The following FANCB variants were observed in gnomAD, a reference collection of about 807,000 sequenced individuals.
FANCB encodes FA complementation group B.
Under a neutral mutation model 38.9 loss-of-function variants are expected in FANCB, and 5 were observed. The observed-to-expected ratio is 0.13, with a 90% CI of 0.07 to 0.27. The LOEUF is 0.27. FANCB is among the 10% of genes least tolerant of loss of function. The probability of loss-of-function intolerance (pLI) is 1.00; values close to 1 mark genes in which losing one functional copy is unlikely to be tolerated. For synonymous variants in FANCB, 236 were observed against 215.4 expected (o/e 1.10, Z -0.84); for missense variants, 573 against 602.7 (o/e 0.95, Z 0.52).
At chrX:14,694,771 CT>C in the FANCB span, among the ~76,000 whole-genome samples, 11 of 112,372 alleles carry the variant, frequency 9.8e-5, no homozygotes, top group Admixed American at 9.4e-4. Context: ...AAAATGCAGC[CT>C]TTTGATGAAA....
At chrX:14,815,296 G>A in the FANCB span, among the ~76,000 whole-genome samples, 1 of 108,759 alleles carries the variant, frequency 9.2e-6, no homozygotes, top group African/African-American at 3.4e-5. Context: ...TTGTGCACAT[G>A]TACCCTAGAA....
chrX:14,693,222 A>G, the FANCB span, among the ~76,000 whole-genome samples: 1 of 111,895 alleles, frequency 8.9e-6, no homozygotes, highest in African/African-American at 3.2e-5. Flanking sequence ...AACTTTAGTC[A>G]GCCTCCAATA....
At chrX:14,690,946 A>G in the FANCB span, 1 of 978,433 alleles carries the variant, frequency 1.0e-6, no homozygotes, top group Non-Finnish European at 1.4e-6. Context: ...GCACACAATA[A>G]GCAAGAAGCC....
At chrX:14,718,138 A>G in the FANCB span, among the ~76,000 whole-genome samples, 2 of 111,311 alleles carry the variant, frequency 1.8e-5, no homozygotes, top group Middle Eastern at 9.3e-3. Flanking sequence ...TAGGGTGGAT[A>G]TAGGAGCCTT....
the FANCB span, among the ~76,000 whole-genome samples, chrX:14,723,762 C>A: frequency 8.9e-6 from 1 of 111,912 alleles, no homozygotes; most frequent in Non-Finnish European, 1.9e-5. Context: ...TTTTTTAAAT[C>A]TCTAATGAAA....
the FANCB span, among the ~76,000 whole-genome samples, chrX:14,724,833 CAT>C: frequency 5.4e-5 from 6 of 111,059 alleles, no homozygotes; most frequent in South Asian, 3.8e-4. Context: ...CATTTCAGCA[CAT>C]GTCATTAAGC....
chrX:14,783,698 T>C, the FANCB span, among the ~76,000 whole-genome samples: 1 of 111,980 alleles, frequency 8.9e-6, no homozygotes, highest in South Asian at 3.7e-4. Context: ...ATAAAAAGAA[T>C]GGAATTCACA....
intron 2 of FANCB, among the ~76,000 whole-genome samples, chrX:14,867,762 CAAA>C (rs55818806): frequency 2.5e-5 from 1 of 40,496 alleles, no homozygotes; most frequent in Non-Finnish European, 5.0e-5. Flanking sequence ...TTTGCCCAGC[CAAA>C]AAAAAAAAAA....
At chrX:14,709,225 C>T in the FANCB span, among the ~76,000 whole-genome samples, 1 of 110,937 alleles carries the variant, frequency 9.0e-6, no homozygotes, top group African/African-American at 3.3e-5. Context: ...CAGAGCAAGA[C>T]CCTGTCTCTT....
intron 5 of FANCB, among the ~76,000 whole-genome samples, chrX:14,856,004 G>C (rs897960956): frequency 8.9e-6 from 1 of 112,202 alleles, no homozygotes; most frequent in Non-Finnish European, 1.9e-5. Flanking sequence ...AATCAGGAGA[G>C]TTGGTCCTGC....
the FANCB span, among the ~76,000 whole-genome samples, chrX:14,705,730 T>TACATCATATAGCAA: frequency 8.9e-6 from 1 of 112,462 alleles, no homozygotes; most frequent in East Asian, 2.8e-4. Flanking sequence ...TCTTTTTATT[T>TACATCATATAGCAA]ACATCATATA....
At chrX:14,736,963 T>G in the FANCB span, among the ~76,000 whole-genome samples, 1 of 110,956 alleles carries the variant, frequency 9.0e-6, no homozygotes, top group Non-Finnish European at 1.9e-5. Context: ...AAGACCATCC[T>G]GGCCAACATG....
chrX:14,845,949 C>T lies in FANCB; in HGVS notation c.1497-663G>A, dbSNP rs957372535. On this transcript the variant is annotated intron_variant, in intron 7 of 9. Transcript: ENST00000650831. Reference sequence around the variant, plus strand: ...AATGGTGACATGACCAAAGAAAGAACTTGAATGTAGAAATTTAATACTGAA... The same window carrying T: ...AATGGTGACATGACCAAAGAAAGAATTTGAATGTAGAAATTTAATACTGAA... 4.5e-5 allele frequency among the ~76,000 whole-genome samples: 5 copies of T among 111,685 alleles called. No individual in the cohort carries two copies. The Admixed American group carries it at 4.7e-4, about 11-fold the overall frequency.
At chrX:14,697,825 A>T in the FANCB span, among the ~76,000 whole-genome samples, 1 of 112,368 alleles carries the variant, frequency 8.9e-6, no homozygotes, top group Admixed American at 9.4e-5. Context: ...GCTGTTGAGC[A>T]TCTGAATGCT....
rs761286423 is a variant in FANCB at position 14,850,647 on chromosome X, C to T, written c.1354G>A (p.Glu452Lys). Residue 452 changes from glutamate (E) to lysine (K), a missense_variant, in exon 7 of 10, where the codon GAA becomes AAA. Coordinates refer to ENST00000650831, the MANE Select transcript of FANCB (RefSeq NM_001018113.3). ...EKECLVPLCG[E>K]EENSVHILDE... ...AAGATATGGACAGAATTTTCTTCTT[C>T]ACCACAAAGAGGAACAAGACATTCC... 3.4e-6 allele frequency: 4 copies of T among 1,179,226 alleles called. No individual in the cohort carries two copies. Among genetic ancestry groups the T allele is most frequent in the East Asian group, 3.0e-5 (1 of 33,521 alleles).
intron 3 of FANCB, among the ~76,000 whole-genome samples, chrX:14,862,522 G>A (rs932894707): frequency 8.9e-6 from 1 of 111,816 alleles, no homozygotes; most frequent in Non-Finnish European, 1.9e-5. Context: ...GGTCCAAGCA[G>A]GGGACCCACT....
chrX:14,830,113 A>G, the FANCB span, among the ~76,000 whole-genome samples: 9 of 111,826 alleles, frequency 8.0e-5, no homozygotes, highest in African/African-American at 2.9e-4. Context: ...GGAGAGAAAC[A>G]GGGTAACGGC....
At chrX:14,710,264 C>T in the FANCB span, among the ~76,000 whole-genome samples, 3 of 112,184 alleles carry the variant, frequency 2.7e-5, no homozygotes, top group Admixed American at 9.4e-5. Context: ...ACAGCATTGA[C>T]TTTCATCCCT....
the FANCB span, among the ~76,000 whole-genome samples, chrX:14,689,813 T>C: frequency 8.9e-6 from 1 of 112,180 alleles, no homozygotes; most frequent in Non-Finnish European, 1.9e-5. Context: ...CCTCCAATTA[T>C]TTTTCCCTTT....
Sources: gnomAD v4.1 joint callset for allele counts (sites outside exome capture counted in the v4.1 genomes callset) on GRCh38, gnomAD v4.1.1 for gene constraint, MANE v1.5 for transcripts, NCBI Gene and HGNC (gene_info 2026-07-23, HGNC 2026-07-21) for gene names.